KDM4B: variants seen among roughly 807,000 people sequenced by gnomAD.
The protein encoded by KDM4B is lysine demethylase 4B.
Under a neutral mutation model 125.2 loss-of-function variants are expected in KDM4B, and 32 were observed. That is an observed-to-expected ratio of 0.26 (90% CI 0.19 to 0.34). The LOEUF is 0.34. Among genes scored for constraint, KDM4B ranks in the 10% least tolerant of loss-of-function variants. The pLI, the probability that KDM4B is intolerant of heterozygous loss-of-function variation, is 1.00. For missense variants in KDM4B, 1,190 were observed against 1,577.7 expected (o/e 0.75, Z 4.16); for synonymous variants, 721 against 677.9 (o/e 1.06, Z -0.99).
At chr19:5,148,379 T>A (rs926079284) in intron 21 of KDM4B, among the ~76,000 whole-genome samples, 1 of 152,204 alleles carries the variant, frequency 6.6e-6, no homozygotes, top group East Asian at 1.9e-4. Flanking sequence ...CCCGGCAGTG[T>A]GAGCGCCATC....
At chr19:5,038,325 G>T (rs2036695662) in intron 3 of KDM4B, among the ~76,000 whole-genome samples, 1 of 152,316 alleles carries the variant, frequency 6.6e-6, no homozygotes, top group Admixed American at 6.5e-5. Flanking sequence ...CGGCCCATAG[G>T]CTCACCCCCA....
intron 12 of KDM4B, 116 bp downstream of exon 12, chr19:5,131,661 A>AGGTGGGGTGGAG (rs1568316990): frequency 1.0e-5 from 2 of 191,680 alleles, no homozygotes; most frequent in Non-Finnish European, 8.8e-6. Context: ...GGAGGAGGGG[A>AGGTGGGGTGGAG]CAGGAGGGCT....
At chr19:5,085,502 A>G (rs945934464) in intron 9 of KDM4B, among the ~76,000 whole-genome samples, 1 of 152,192 alleles carries the variant, frequency 6.6e-6, no homozygotes, top group African/African-American at 2.4e-5. Context: ...ATTAAAAGCA[A>G]TTTGGGGTTC....
At chr19:5,100,010 G>A (rs1568297584) in intron 9 of KDM4B, among the ~76,000 whole-genome samples, 1 of 152,394 alleles carries the variant, frequency 6.6e-6, no homozygotes, top group African/African-American at 2.4e-5. Flanking sequence ...GCTGGGTATC[G>A]AAGTCCCTTC....
intron 6 of KDM4B, among the ~76,000 whole-genome samples, chr19:5,060,627 G>A (rs1238800374): frequency 6.6e-6 from 1 of 151,848 alleles, no homozygotes; most frequent in African/African-American, 2.4e-5. Flanking sequence ...GGAGGGCCGT[G>A]GGTCCAGGCA....
intron 1 of KDM4B, among the ~76,000 whole-genome samples, chr19:4,969,720 G>A (rs182005498): frequency 0.02 from 3,073 of 152,030 alleles, 121 homozygotes; most frequent in African/African-American, 0.07. Context: ...GCGCCAGGGG[G>A]GCTAAGGGGA....
intron 21 of KDM4B, 108 bp from the exon 22 acceptor site, chr19:5,150,250 C>T: frequency 1.3e-6 from 1 of 783,902 alleles, no homozygotes; most frequent in Non-Finnish European, 2.1e-6. Context: ...CTCTAGCGGG[C>T]CCCATGCACC....
intron 20 of KDM4B, 134 bp downstream of exon 20, chr19:5,144,546 T>C (rs1174666285): frequency 1.1e-6 from 1 of 889,726 alleles, no homozygotes; most frequent in Non-Finnish European, 1.6e-6. Context: ...GATCCCTTCA[T>C]GGGGTCCCCT....
At chr19:5,017,518 C>T (rs959343774) in intron 2 of KDM4B, among the ~76,000 whole-genome samples, 1 of 152,134 alleles carries the variant, frequency 6.6e-6, no homozygotes, top group Admixed American at 6.5e-5. Flanking sequence ...TCCAGGTTAA[C>T]TTACTGCTGG....
chr19:5,017,245 C>A (rs1410087058), intron 2 of KDM4B, among the ~76,000 whole-genome samples: 2 of 152,168 alleles, frequency 1.3e-5, no homozygotes, highest in Non-Finnish European at 2.9e-5. Context: ...TGGAGCCCAG[C>A]CTCTTTTGGG....
chr19:5,094,354 G>A (rs2038775053), intron 9 of KDM4B, among the ~76,000 whole-genome samples: 1 of 152,248 alleles, frequency 6.6e-6, no homozygotes, highest in Non-Finnish European at 1.5e-5. Context: ...CCTGAGCGGG[G>A]GACCTGGCAG....
chr19:5,091,509 C>T (rs1289136805), intron 9 of KDM4B, among the ~76,000 whole-genome samples: 3 of 152,134 alleles, frequency 2.0e-5, no homozygotes, highest in Non-Finnish European at 2.9e-5. Context: ...TCGGCACCAC[C>T]CATCTCCTCC....
intron 1 of KDM4B, among the ~76,000 whole-genome samples, chr19:4,976,770 G>C (rs1055537963): frequency 2.0e-5 from 3 of 152,182 alleles, no homozygotes; most frequent in Non-Finnish European, 4.4e-5. Flanking sequence ...CCATCGTGCG[G>C]TCAGTAGCCG....
intron 1 of KDM4B, among the ~76,000 whole-genome samples, chr19:5,002,650 C>T (rs938306598): frequency 6.6e-5 from 10 of 151,498 alleles, no homozygotes; most frequent in African/African-American, 1.9e-4. Context: ...CTGTAATTAG[C>T]CACACCTGGC....
rs1452754851 is a variant in KDM4B, at chr19:5,114,897, A to C, written c.1115+4079A>C. Among the ~76,000 whole-genome samples the C allele has an allele frequency of 1.3e-5, 2 of 152,258 alleles. No individual in the cohort carries two copies. The highest frequency in any genetic ancestry group is 2.9e-5 in the Non-Finnish European group (2 of 68,040). Reference sequence around the variant, plus strand: ...CCACCTTGGAAATATTAGTGCAGTTATCTGGACTATGTCCCGACATTTGGC... The same window carrying C: ...CCACCTTGGAAATATTAGTGCAGTTCTCTGGACTATGTCCCGACATTTGGC... On this transcript the variant is annotated intron_variant, in intron 10 of 22. Transcript: ENST00000159111. The surrounding 1 kb of genome is among the most constrained non-coding windows in gnomAD (Gnocchi z 5.8).
At chr19:5,028,733 A>C (rs1213698528) in intron 2 of KDM4B, among the ~76,000 whole-genome samples, 2 of 152,128 alleles carry the variant, frequency 1.3e-5, no homozygotes, top group African/African-American at 4.8e-5. Context: ...ATCCCTGCCC[A>C]CAGTGTCACC....
intron 9 of KDM4B, among the ~76,000 whole-genome samples, chr19:5,095,107 C>T (rs951908289): frequency 6.6e-6 from 1 of 152,160 alleles, no homozygotes; most frequent in African/African-American, 2.4e-5. Context: ...AGGCCCCTGC[C>T]CGTCCCCATC....
At chr19:5,130,798 G>A (rs910754991) in intron 11 of KDM4B, among the ~76,000 whole-genome samples, 3 of 152,236 alleles carry the variant, frequency 2.0e-5, no homozygotes, top group African/African-American at 7.2e-5. Context: ...GGCACATAGA[G>A]CAACACCTGG....
intron 3 of KDM4B, among the ~76,000 whole-genome samples, chr19:5,034,034 TGAGG>T (rs1411230652): frequency 6.6e-6 from 1 of 152,182 alleles, no homozygotes; most frequent in Non-Finnish European, 1.5e-5. Context: ...CTCGGGAGGC[TGAGG>T]CGGGAGGATC....
Sources: gnomAD v4.1 joint callset for allele counts (sites outside exome capture counted in the v4.1 genomes callset) on GRCh38, gnomAD v4.1.1 for gene constraint, Gnocchi (gnomAD v3.1) non-coding constraint, MANE v1.5 for transcripts, NCBI Gene and HGNC (gene_info 2026-07-23, HGNC 2026-07-21) for gene names.